Variants in CCSER1 observed in about 807,000 individuals in gnomAD.
CCSER1 encodes the protein coiled-coil serine rich protein 1.
A neutral mutation model predicts 82.0 loss-of-function variants in CCSER1; 41 were observed. That is an observed-to-expected ratio of 0.50 (90% CI 0.39 to 0.65). The LOEUF (loss-of-function observed/expected upper bound fraction) is 0.65. CCSER1 is among the 30% of genes least tolerant of loss of function. The pLI, the probability that CCSER1 is intolerant of heterozygous loss-of-function variation, is 0.00. For missense variants in CCSER1, 1,119 were observed against 1,064.2 expected, an observed-to-expected ratio of 1.05 and a Z score of -0.72; for synonymous variants, 414 against 383.9, an observed-to-expected ratio of 1.08 and a Z score of -0.92.
intron 8 of CCSER1, among the ~76,000 whole-genome samples, chr4:90,865,784 T>G (rs550041219): frequency 6.6e-6 from 1 of 152,082 alleles, no homozygotes; most frequent in East Asian, 1.9e-4. Context: ...CCATACACAT[T>G]TTTTACTGCC....
chr4:90,560,070 C>G (rs944358107), intron 5 of CCSER1, among the ~76,000 whole-genome samples: 2 of 152,026 alleles, frequency 1.3e-5, no homozygotes, highest in African/African-American at 2.4e-5. Flanking sequence ...ATAACTTATC[C>G]TGGCATAAAA....
chr4:91,105,798 G>C (rs1413297317), intron 10 of CCSER1, among the ~76,000 whole-genome samples: 2 of 152,062 alleles, frequency 1.3e-5, no homozygotes, highest in South Asian at 4.1e-4. Context: ...TCTGAAAACT[G>C]GTTTATTTTT....
At chr4:91,289,702 G>A (rs1299959378) in intron 10 of CCSER1, among the ~76,000 whole-genome samples, 2 of 151,940 alleles carry the variant, frequency 1.3e-5, no homozygotes, top group Non-Finnish European at 2.9e-5. Flanking sequence ...TATGGGATGG[G>A]GGAAGAACAT....
At chr4:90,325,606 A>C (rs956020151) in intron 3 of CCSER1, 18 of 444,672 alleles carry the variant, frequency 4.0e-5, no homozygotes, top group Admixed American at 4.0e-4. Context: ...GGTCTGCGAC[A>C]GATCTCTGAC....
intron 1 of CCSER1, among the ~76,000 whole-genome samples, chr4:90,255,366 T>C (rs756765640): frequency 1.3e-4 from 20 of 152,246 alleles, no homozygotes; most frequent in Non-Finnish European, 2.2e-4. Context: ...TCTTTGATGA[T>C]TGGAATGATT....
At chr4:90,690,635 C>G (rs576330497) in intron 6 of CCSER1, among the ~76,000 whole-genome samples, 1 of 152,096 alleles carries the variant, frequency 6.6e-6, no homozygotes. Context: ...GTGTATTTCT[C>G]TTACCCGGTC....
chr4:90,354,293 G>T (rs1166957561), intron 3 of CCSER1, among the ~76,000 whole-genome samples: 1 of 152,096 alleles, frequency 6.6e-6, no homozygotes, highest in Admixed American at 6.6e-5. Context: ...AGATTAGGGG[G>T]CTAGGGAAAT....
At chr4:90,632,399 C>T (rs1025705782) in intron 6 of CCSER1, among the ~76,000 whole-genome samples, 2 of 151,862 alleles carry the variant, frequency 1.3e-5, no homozygotes, top group African/African-American at 4.8e-5. Context: ...CCATTTTGTG[C>T]CATCACCATA....
rs563506680 is a variant in CCSER1 at position 90,841,153 on chromosome 4, T to G, written c.2094+25308T>G. On this transcript the variant is annotated intron_variant, in intron 8 of 10. Transcript: ENST00000509176. ...GAAAACCTCAGCCAATGTAGAAGCT[T>G]GAGAATGGCATGTCTTCTGAAAAAC... is the stretch of plus-strand genomic sequence containing the variant. Among the ~76,000 whole-genome samples, 103 of 152,212 alleles carry G rather than the reference T, an allele frequency of 6.8e-4. 1 individual carries two copies. The highest frequency in any genetic ancestry group is 6.7e-3 in the Admixed American group (103 of 15,288).
At chr4:91,058,758 A>AT (rs576148615) in intron 9 of CCSER1, among the ~76,000 whole-genome samples, 3 of 152,006 alleles carry the variant, frequency 2.0e-5, no homozygotes, top group Non-Finnish European at 2.9e-5. Context: ...TTAAAGTTTG[A>AT]TTTTTTTATG....
chr4:90,319,712 T>G (rs922276), intron 3 of CCSER1, among the ~76,000 whole-genome samples: 46,222 of 152,070 alleles, frequency 0.3, 7,186 homozygotes, highest in East Asian at 0.44. Flanking sequence ...CTTGAAATCC[T>G]TAATGAGACT....
At chr4:90,169,851 G>C (rs991966649) in intron 1 of CCSER1, among the ~76,000 whole-genome samples, 1 of 151,684 alleles carries the variant, frequency 6.6e-6, no homozygotes, top group African/African-American at 2.4e-5. Flanking sequence ...TCCCTCTCAC[G>C]TTTTATTCTT....
At chr4:91,074,306 G>A (rs910565834) in intron 9 of CCSER1, among the ~76,000 whole-genome samples, 2 of 152,152 alleles carry the variant, frequency 1.3e-5, no homozygotes, top group Non-Finnish European at 2.9e-5. Context: ...TAGAGAACAT[G>A]CAACAAATAT....
chr4:91,358,108 T>G (rs957343435), intron 10 of CCSER1, among the ~76,000 whole-genome samples: 2 of 152,086 alleles, frequency 1.3e-5, no homozygotes, highest in African/African-American at 2.4e-5. Context: ...ACAATTGGTT[T>G]AGATGGCCTT....
intron 2 of CCSER1, 111 bp from the exon 3 acceptor site, chr4:90,312,752 A>G: frequency 1.2e-6 from 1 of 829,872 alleles, no homozygotes; most frequent in South Asian, 1.9e-5. Flanking sequence ...TTTTCTTGTG[A>G]TAGAGAAACT....
chr4:90,459,157 C>T (rs947774701), intron 4 of CCSER1, among the ~76,000 whole-genome samples: 2 of 152,004 alleles, frequency 1.3e-5, no homozygotes, highest in East Asian at 1.9e-4. Flanking sequence ...CAACTATACA[C>T]GATCTAGTTT....
intron 10 of CCSER1, among the ~76,000 whole-genome samples, chr4:91,496,996 G>T (rs1355885276): frequency 6.7e-6 from 1 of 149,850 alleles, no homozygotes; most frequent in Non-Finnish European, 1.5e-5. Context: ...TCTCCATCCT[G>T]ACCATTCTTA....
At chr4:90,147,064 GTGAT>G (rs1725943681) in intron 1 of CCSER1, among the ~76,000 whole-genome samples, 1 of 151,460 alleles carries the variant, frequency 6.6e-6, no homozygotes, top group African/African-American at 2.4e-5. Flanking sequence ...CATTTGTTCA[GTGAT>G]TTATTTATTT....
intron 10 of CCSER1, among the ~76,000 whole-genome samples, chr4:91,102,045 A>G (rs1056885250): frequency 6.6e-6 from 1 of 152,194 alleles, no homozygotes; most frequent in Admixed American, 6.5e-5. Context: ...GGGGAGACTT[A>G]TGAGGCCTCA....
Sources: gnomAD v4.1 joint callset for allele counts (sites outside exome capture counted in the v4.1 genomes callset) on GRCh38, gnomAD v4.1.1 for gene constraint, MANE v1.5 for transcripts, NCBI Gene and HGNC (gene_info 2026-07-23, HGNC 2026-07-21) for gene names.